ARHGEF28: variants seen among roughly 807,000 people sequenced by gnomAD.
The protein encoded by ARHGEF28 is 190 kDa guanine nucleotide exchange factor.
A neutral mutation model predicts 206.6 loss-of-function variants in ARHGEF28; 152 were observed. That is an observed-to-expected ratio of 0.74 (90% CI 0.64 to 0.84). The LOEUF (loss-of-function observed/expected upper bound fraction) is 0.84. Ranked by LOEUF, ARHGEF28 falls within the 40% of genes least tolerant of loss-of-function variation. The pLI is 0.00. For synonymous variants in ARHGEF28, 763 were observed against 776.4 expected, an observed-to-expected ratio of 0.98 and a Z score of 0.29; for missense variants, 2,028 against 2,073.2, an observed-to-expected ratio of 0.98 and a Z score of 0.42.
intron 1 of ARHGEF28, among the ~76,000 whole-genome samples, chr5:73,658,456 T>C (rs1173042002): frequency 6.6e-6 from 1 of 152,098 alleles, no homozygotes; most frequent in East Asian, 1.9e-4. Context: ...CCCTCAGCTA[T>C]TAGGAATGAA....
chr5:73,869,503 A>G (rs924036503), intron 20 of ARHGEF28, among the ~76,000 whole-genome samples: 3 of 152,188 alleles, frequency 2.0e-5, no homozygotes, highest in African/African-American at 4.8e-5. Context: ...CAAGCAAAAG[A>G]ATCTTCAAAT....
At position 73,794,385 on chromosome 5, in the gene ARHGEF28, A is replaced by C; in HGVS notation, c.911-17A>C. 6.3e-7 allele frequency: 1 copy of C among 1,582,740 alleles called. No homozygotes were observed. The highest frequency in any genetic ancestry group is 1.8e-5 in the Admixed American group (1 of 55,780). ...AAAGCTCCCATCAGCAGATCCTGAT[A>C]ATTATTTCTTTTGCAGAGATTAAGA... is the stretch of plus-strand genomic sequence containing the variant. On this transcript the variant is annotated splice_polypyrimidine_tract_variant and intron_variant, in intron 7 of 35. Transcript: ENST00000513042.
intron 35 of ARHGEF28, chr5:73,923,033 A>C (rs1366112125): frequency 3.4e-6 from 5 of 1,480,586 alleles, no homozygotes; most frequent in Non-Finnish European, 4.5e-6. Context: ...TTTTGGCCAA[A>C]ATGTGATGGT....
intron 4 of ARHGEF28, among the ~76,000 whole-genome samples, chr5:73,756,625 T>C (rs1752324905): frequency 6.6e-6 from 1 of 152,236 alleles, no homozygotes; most frequent in African/African-American, 2.4e-5. Context: ...AGTTCTGTTA[T>C]GTATGTATGT....
intron 9 of ARHGEF28, among the ~76,000 whole-genome samples, chr5:73,807,323 AT>A (rs1471081574): frequency 2.3e-4 from 35 of 152,104 alleles, no homozygotes; most frequent in Non-Finnish European, 4.3e-4. Flanking sequence ...ATTTTTCCTA[AT>A]TCTTTCATTT....
At chr5:73,796,244 C>G (rs139158291) in intron 9 of ARHGEF28, among the ~76,000 whole-genome samples, 1 of 152,198 alleles carries the variant, frequency 6.6e-6, no homozygotes, top group East Asian at 1.9e-4. Context: ...GGCAGATGAG[C>G]ACGAACCACT....
chr5:73,794,702 G>A lies in ARHGEF28; in HGVS notation c.963+248G>A, dbSNP rs1754695948. 2.0e-5 allele frequency among the ~76,000 whole-genome samples: 3 copies of A among 151,258 alleles called. No homozygotes were observed. In the South Asian group the frequency reaches 6.3e-4, roughly 32 times the overall value. On this transcript the variant is annotated intron_variant, in intron 8 of 35. Coordinates refer to ENST00000513042, the MANE Select transcript of ARHGEF28 (RefSeq NM_001177693.2). ...GCTCACTGCAACTTCTGCCTCCTGG[G>A]TTCAAATGATTCTCCTGCCTCACCC... is the stretch of plus-strand genomic sequence containing the variant.
At chr5:73,759,897 G>T (rs1580579168) in intron 4 of ARHGEF28, among the ~76,000 whole-genome samples, 1 of 152,334 alleles carries the variant, frequency 6.6e-6, no homozygotes, top group Middle Eastern at 3.4e-3. Flanking sequence ...GTTTGACAGA[G>T]AAAAATATCT....
chr5:73,832,688 T>C (rs1757372855), intron 10 of ARHGEF28, among the ~76,000 whole-genome samples: 1 of 152,186 alleles, frequency 6.6e-6, no homozygotes, highest in Admixed American at 6.5e-5. Context: ...GGGAGGGGTC[T>C]TGAGATACTG....
chr5:73,780,520 G>A (rs1753779277), intron 6 of ARHGEF28, 156 bp from the exon 7 acceptor site: 3 of 698,324 alleles, frequency 4.3e-6, no homozygotes, highest in Non-Finnish European at 7.1e-6. Context: ...CTGGGGTGCT[G>A]GCTATATGTT....
intron 2 of ARHGEF28, among the ~76,000 whole-genome samples, chr5:73,721,804 C>T (rs1749966280): frequency 6.6e-6 from 1 of 152,132 alleles, no homozygotes; most frequent in Non-Finnish European, 1.5e-5. Context: ...TTAATGGTAT[C>T]CTTGATTTTT....
chr5:73,922,210 C>T (rs528015544), intron 35 of ARHGEF28, among the ~76,000 whole-genome samples: 1 of 152,308 alleles, frequency 6.6e-6, no homozygotes, highest in East Asian at 1.9e-4. Context: ...TCGGTTTAGT[C>T]ACTGATCATT....
intron 2 of ARHGEF28, among the ~76,000 whole-genome samples, chr5:73,716,415 G>C (rs1256641043): frequency 6.6e-6 from 1 of 152,164 alleles, no homozygotes; most frequent in East Asian, 1.9e-4. Context: ...CCTGGATTTT[G>C]CTTATGTTTG....
At chr5:73,713,902 A>G (rs1344386305) in intron 2 of ARHGEF28, among the ~76,000 whole-genome samples, 1 of 152,218 alleles carries the variant, frequency 6.6e-6, no homozygotes, top group African/African-American at 2.4e-5. Flanking sequence ...AATATTTGCA[A>G]AATTAAAAAT....
chr5:73,768,894 A>C (rs1470200974), intron 4 of ARHGEF28, among the ~76,000 whole-genome samples: 4 of 151,966 alleles, frequency 2.6e-5, no homozygotes, highest in Non-Finnish European at 2.9e-5. Flanking sequence ...TGATTGAATT[A>C]TGGGGATGGG....
chr5:73,779,455 G>A (rs896117135), intron 6 of ARHGEF28, among the ~76,000 whole-genome samples: 1 of 152,146 alleles, frequency 6.6e-6, no homozygotes, highest in South Asian at 2.1e-4. Flanking sequence ...AGAGAAAATA[G>A]CGTTTCCTTA....
intron 11 of ARHGEF28, among the ~76,000 whole-genome samples, chr5:73,845,332 T>C (rs1758268067): frequency 6.6e-6 from 1 of 152,112 alleles, no homozygotes; most frequent in African/African-American, 2.4e-5. Context: ...TCATCTTTTT[T>C]TAACCTCTAA....
chr5:73,677,735 T>A (rs1179652789), intron 1 of ARHGEF28, among the ~76,000 whole-genome samples: 1 of 152,250 alleles, frequency 6.6e-6, no homozygotes, highest in Non-Finnish European at 1.5e-5. Flanking sequence ...GGGAACAAAC[T>A]TAAAAATTCT....
chr5:73,773,713 A>G lies in ARHGEF28; in HGVS notation c.476-142A>G, dbSNP rs1753369896. 1.0e-5 allele frequency: 9 copies of G among 899,248 alleles called. No individual in the cohort carries two copies. The Admixed American group carries it at 2.8e-4, about 28-fold the overall frequency. The allele number at this position is 899,248 out of a possible 1,614,324, so 55.7% of individuals were successfully genotyped here. On this transcript the variant is annotated intron_variant, in intron 4 of 35. Transcript: ENST00000513042. ...GAACTCTCCAAATTTGTAAAATGAG[A>G]TACAGTGATTGGGTGCCATTGTTAA...
Sources: gnomAD v4.1 joint callset for allele counts (sites outside exome capture counted in the v4.1 genomes callset) on GRCh38, gnomAD v4.1.1 for gene constraint, MANE v1.5 for transcripts, NCBI Gene and HGNC (gene_info 2026-07-23, HGNC 2026-07-21) for gene names.